Variants in KCNG2 observed in about 807,000 individuals in gnomAD.
KCNG2 encodes the protein potassium voltage-gated channel modifier subfamily G member 2.
A neutral mutation model predicts 12.3 loss-of-function variants in KCNG2; 7 were observed. The ratio of observed to expected loss-of-function variants is 0.57; its 90% CI spans 0.32 to 1.07. The LOEUF (loss-of-function observed/expected upper bound fraction) is 1.07, where lower values mean the gene tolerates loss of function less well. Ranked by LOEUF, KCNG2 falls within the 50% of genes least tolerant of loss-of-function variation. The probability of loss-of-function intolerance (pLI) is 0.04; values close to 1 mark genes in which losing one functional copy is unlikely to be tolerated. For synonymous variants in KCNG2, 414 were observed against 351.4 expected (o/e 1.18, Z -1.99); for missense variants, 703 against 726.0 (o/e 0.97, Z 0.36).
intron 3 of KCNG2, among the ~76,000 whole-genome samples, chr18:79,869,286 C>T (rs1979734786): frequency 6.6e-6 from 1 of 152,160 alleles, no homozygotes; most frequent in South Asian, 2.1e-4. Flanking sequence ...GGGCTCGGCT[C>T]AGGGACCACG....
intron 1 of KCNG2, among the ~76,000 whole-genome samples, chr18:79,812,744 C>G (rs1055492366): frequency 2.0e-5 from 3 of 152,162 alleles, no homozygotes; most frequent in African/African-American, 7.2e-5. Context: ...ACCTGTACTC[C>G]CAGCTACTCA....
intron 1 of KCNG2, among the ~76,000 whole-genome samples, chr18:79,830,608 A>C (rs1268161716): frequency 1.3e-5 from 2 of 152,280 alleles, no homozygotes; most frequent in African/African-American, 4.8e-5. Flanking sequence ...GAGGCCAGCG[A>C]GAGAGATGCC....
chr18:79,809,306 ATGGGCCCAGAGTC>A (rs2087473154), intron 1 of KCNG2, among the ~76,000 whole-genome samples: 1 of 81,900 alleles, frequency 1.2e-5, no homozygotes, highest in African/African-American at 5.4e-5. Flanking sequence ...ACTCCACGTT[ATGGGCCCAGAGTC>A]CGCGCTCTGA....
intron 3 of KCNG2, 110 bp from the exon 4 acceptor site, chr18:79,898,930 G>A: frequency 1.3e-6 from 1 of 782,084 alleles, no homozygotes; most frequent in Non-Finnish European, 1.9e-6. Flanking sequence ...GTGGGTTGGG[G>A]CGGGAAGGGT....
At chr18:79,882,578 G>A (rs781352696) in intron 3 of KCNG2, among the ~76,000 whole-genome samples, 2 of 152,264 alleles carry the variant, frequency 1.3e-5, no homozygotes, top group Non-Finnish European at 2.9e-5. Context: ...ATACAGCGCT[G>A]AACTGTTATT....
rs1978287595 is a variant in KCNG2 at position 79,828,145 on chromosome 18, G to A, written c.-114-28234G>A. On this transcript the variant is annotated intron_variant, in intron 1 of 3. Transcript: ENST00000316249. ...TCACCATGTTGGCCAGTCTGGTCTTGAACTCCTGACCCCAGGTGATCCGCC... is the reference window on the plus strand; with the variant it reads ...TCACCATGTTGGCCAGTCTGGTCTTAAACTCCTGACCCCAGGTGATCCGCC... 5.3e-5 allele frequency among the ~76,000 whole-genome samples: 8 copies of A among 152,118 alleles called. No individual in the cohort carries two copies. In the South Asian group the frequency reaches 1.7e-3, roughly 31 times the overall value.
intron 3 of KCNG2, among the ~76,000 whole-genome samples, chr18:79,870,283 G>A (rs141268061): frequency 5.4e-4 from 83 of 152,366 alleles, no homozygotes; most frequent in Admixed American, 4.0e-3. Context: ...GGCAGGGAGC[G>A]GTGTCTTCTG....
chr18:79,869,050 A>T (rs62103192), intron 3 of KCNG2, among the ~76,000 whole-genome samples: 16,046 of 152,236 alleles, frequency 0.11, 990 homozygotes, highest in Middle Eastern at 0.16. Flanking sequence ...GTGCTGTCCC[A>T]GGTGCAGGGG....
chr18:79,897,248 G>A (rs1328236698), intron 3 of KCNG2, among the ~76,000 whole-genome samples: 6 of 151,794 alleles, frequency 4.0e-5, no homozygotes, highest in Admixed American at 6.6e-5. Context: ...TTCCTAAAGC[G>A]CTGTTTGGTT....
At chr18:79,874,177 G>C (rs540404071) in intron 3 of KCNG2, among the ~76,000 whole-genome samples, 11 of 152,342 alleles carry the variant, frequency 7.2e-5, no homozygotes, top group African/African-American at 2.6e-4. Flanking sequence ...TTCTGCTCCT[G>C]AACTGTGTTT....
At chr18:79,855,995 C>G (rs984676473) in intron 1 of KCNG2, among the ~76,000 whole-genome samples, 15 of 152,062 alleles carry the variant, frequency 9.9e-5, no homozygotes, top group African/African-American at 3.6e-4. Flanking sequence ...TGACGTTTTG[C>G]AGAGAATGGG....
chr18:79,831,644 C>T (rs1245860401), intron 1 of KCNG2, among the ~76,000 whole-genome samples: 2 of 111,322 alleles, frequency 1.8e-5, no homozygotes, highest in African/African-American at 7.6e-5. Context: ...TCGTCAGGAG[C>T]GTGCCCTGCG....
chr18:79,847,472 C>T (rs1326807597), intron 1 of KCNG2, among the ~76,000 whole-genome samples: 1 of 152,220 alleles, frequency 6.6e-6, no homozygotes, highest in Non-Finnish European at 1.5e-5. Flanking sequence ...CCACGCTAAG[C>T]GATCTTTACC....
chr18:79,801,567 C>T (rs2087410150), intron 1 of KCNG2, among the ~76,000 whole-genome samples: 1 of 152,242 alleles, frequency 6.6e-6, no homozygotes, highest in Non-Finnish European at 1.5e-5. Flanking sequence ...ATATTTTTAA[C>T]CTTCTCAGAT....
intron 1 of KCNG2, among the ~76,000 whole-genome samples, chr18:79,839,086 A>G (rs1978384336): frequency 2.0e-5 from 3 of 152,236 alleles, no homozygotes; most frequent in Admixed American, 1.3e-4. Context: ...CATTTGAGTC[A>G]GGAATCCAAC....
chr18:79,844,093 G>A (rs1395765897), intron 1 of KCNG2, among the ~76,000 whole-genome samples: 8 of 152,092 alleles, frequency 5.3e-5, no homozygotes, highest in African/African-American at 1.9e-4. Context: ...ACTTATATCA[G>A]ACAAAATATA....
At chr18:79,813,575 T>C (rs1306325981) in intron 1 of KCNG2, among the ~76,000 whole-genome samples, 1 of 152,218 alleles carries the variant, frequency 6.6e-6, no homozygotes, top group Non-Finnish European at 1.5e-5. Flanking sequence ...GAGAAGCTTA[T>C]CCTAAACCTT....
chr18:79,840,414 A>G (rs575934782), intron 1 of KCNG2, among the ~76,000 whole-genome samples: 2 of 152,326 alleles, frequency 1.3e-5, no homozygotes, highest in Admixed American at 6.5e-5. Flanking sequence ...CAATACACAT[A>G]TAGAACTTTA....
chr18:79,826,098 C>T (rs1232299652), intron 1 of KCNG2, among the ~76,000 whole-genome samples: 4 of 152,260 alleles, frequency 2.6e-5, no homozygotes, highest in South Asian at 2.1e-4. Flanking sequence ...TTGGAGGAAG[C>T]GGGCGCTGAC....
Sources: gnomAD v4.1 joint callset for allele counts (sites outside exome capture counted in the v4.1 genomes callset) on GRCh38, gnomAD v4.1.1 for gene constraint, MANE v1.5 for transcripts, NCBI Gene and HGNC (gene_info 2026-07-23, HGNC 2026-07-21) for gene names.